Variants in WNT7B observed in about 807,000 individuals in gnomAD.
The protein encoded by WNT7B is Wnt family member 7B, also known as protein Wnt-7b.
A neutral mutation model predicts 38.2 loss-of-function variants in WNT7B; 19 were observed. The ratio of observed to expected loss-of-function variants is 0.50; its 90% CI spans 0.35 to 0.73. The LOEUF is 0.73. Ranked by LOEUF, WNT7B falls within the 30% of genes least tolerant of loss-of-function variation. The pLI is 0.01. For missense variants in WNT7B, 423 were observed against 507.9 expected, an observed-to-expected ratio of 0.83 and a Z score of 1.61; for synonymous variants, 243 against 209.3, an observed-to-expected ratio of 1.16 and a Z score of -1.39.
intron 1 of WNT7B, among the ~76,000 whole-genome samples, chr22:45,959,249 G>C (rs1016749183): frequency 6.6e-6 from 1 of 152,200 alleles, no homozygotes; most frequent in Non-Finnish European, 1.5e-5. Context: ...ACAGGGGGTG[G>C]GCAGCAGCGC....
At chr22:45,930,942 A>G (rs1931328195) in intron 3 of WNT7B, among the ~76,000 whole-genome samples, 156 bp downstream of exon 3, 1 of 152,160 alleles carries the variant, frequency 6.6e-6, no homozygotes, top group South Asian at 2.1e-4. Flanking sequence ...TGGGAGGCTC[A>G]GAGCCATGCA....
At chr22:45,937,621 C>T (rs1931544824) in intron 2 of WNT7B, among the ~76,000 whole-genome samples, 1 of 152,252 alleles carries the variant, frequency 6.6e-6, no homozygotes, top group Non-Finnish European at 1.5e-5. Context: ...GAGGCAGTGC[C>T]CGCCAGCTGC....
chr22:45,972,116 G>GGGGGGGCCCCCCCCCCCCCCC, intron 1 of WNT7B: 1 of 530,744 alleles, frequency 1.9e-6, no homozygotes, highest in African/African-American at 2.1e-5. Flanking sequence ...CCCGGGGGGA[G>GGGGGGGCCCCCCCCCCCCCCC]CCCACCCGCC....
intron 3 of WNT7B, chr22:45,926,170 A>C: frequency 1.0e-6 from 1 of 985,420 alleles, no homozygotes; most frequent in Non-Finnish European, 1.2e-6. Flanking sequence ...AGCCTCTCCC[A>C]GGAAGTGATC....
chr22:45,925,051 G>A, intron 3 of WNT7B: 1 of 981,402 alleles, frequency 1.0e-6, no homozygotes, highest in Non-Finnish European at 1.2e-6. Context: ...CATCAGGTGG[G>A]TGCTGGGTGG....
In WNT7B at chr22:45,966,871, C is replaced by T. The variant is rs556039065; in HGVS notation, c.71+9813G>A. 4.2e-4 allele frequency among the ~76,000 whole-genome samples: 64 copies of T among 152,348 alleles called. 1 individual carries two copies. The South Asian group carries it at 0.012, about 28-fold the overall frequency. On this transcript the variant is annotated intron_variant, in intron 1 of 3. Transcript: ENST00000339464. The surrounding 1 kb of genome is among the most constrained non-coding windows in gnomAD (Gnocchi z 4.2). ...GCTGCTTGCACAGAGAACCTGTGAG[C>T]GCTGCTTCTCTGCCCAGGCAGGGAC...
At chr22:45,936,584 G>A (rs939062624) in intron 2 of WNT7B, among the ~76,000 whole-genome samples, 4 of 152,232 alleles carry the variant, frequency 2.6e-5, no homozygotes, top group African/African-American at 9.6e-5. Context: ...TCCCTTTTCC[G>A]TAAGTTATTT....
rs200329677 is a variant in WNT7B, at chr22:45,973,898, C to T, written c.71+2786G>A. ...GGCTGCACGTGCCCAGGTGGCCCCC[C>T]GTGTAATTAAACACAGGCAGCATGC... On this transcript the variant is annotated intron_variant, in intron 1 of 3. Coordinates refer to ENST00000339464, the MANE Select transcript of WNT7B (RefSeq NM_058238.3). Among the ~76,000 whole-genome samples, 6 of 151,932 alleles carry T rather than the reference C, an allele frequency of 3.9e-5. No homozygotes were observed. The South Asian group carries it at 6.2e-4, about 16-fold the overall frequency.
chr22:45,941,612 C>T (rs910495171), intron 2 of WNT7B, among the ~76,000 whole-genome samples: 4 of 151,808 alleles, frequency 2.6e-5, no homozygotes, highest in Non-Finnish European at 4.4e-5. Flanking sequence ...TGGACAGGAT[C>T]AAGTGGAAAG....
chr22:45,934,366 G>A (rs1250766703), intron 2 of WNT7B, among the ~76,000 whole-genome samples: 5 of 152,206 alleles, frequency 3.3e-5, no homozygotes, highest in African/African-American at 1.2e-4. Flanking sequence ...TGGACCTGGG[G>A]GAAAGGCGCA....
Position 45,950,053 on chromosome 22 carries a change from C to G in WNT7B, c.165G>C (p.Arg55=). ...APRQRAICQS[R]PDAIIVIGEG... is the part of the protein sequence containing the mutation. ...CCCCAATCACAATGATGGCATCGGG[C>G]CGACTCTGGCAGATGGCACGCTGCC... Residue 55 remains arginine, a synonymous_variant, in exon 2 of 4, where the codon CGG becomes CGC. Transcript: ENST00000339464. 1 of 1,614,048 alleles carries G rather than the reference C, an allele frequency of 6.2e-7. No individual in the cohort carries two copies. Among genetic ancestry groups the G allele is most frequent in the African/African-American group, 1.3e-5 (1 of 75,080 alleles).
intron 1 of WNT7B, among the ~76,000 whole-genome samples, chr22:45,953,765 C>T (rs571972099): frequency 4.2e-4 from 61 of 146,734 alleles, no homozygotes; most frequent in African/African-American, 1.5e-3. Flanking sequence ...AAGAAAAGAA[C>T]AAGTGTTGCC....
At chr22:45,930,124 T>A (rs1319660513) in intron 3 of WNT7B, among the ~76,000 whole-genome samples, 1 of 152,204 alleles carries the variant, frequency 6.6e-6, no homozygotes, top group African/African-American at 2.4e-5. Context: ...TCTGACACTC[T>A]CCTACACAAC....
chr22:45,969,845 C>G (rs1932393798), intron 1 of WNT7B, among the ~76,000 whole-genome samples: 1 of 152,210 alleles, frequency 6.6e-6, no homozygotes, highest in Non-Finnish European at 1.5e-5. Context: ...CCCAGCGACC[C>G]TCCTAGCCCA....
chr22:45,948,407 C>T (rs1012841708), intron 2 of WNT7B, among the ~76,000 whole-genome samples: 8 of 152,190 alleles, frequency 5.3e-5, no homozygotes, highest in African/African-American at 1.9e-4. Flanking sequence ...CTGCTCACCA[C>T]AAAGCGGGCC....
In WNT7B at chr22:45,975,586, G is replaced by C. The variant is rs1257148532; in HGVS notation, c.71+1098C>G. 2 of 716,734 alleles carry C rather than the reference G, an allele frequency of 2.8e-6. No individual in the cohort carries two copies. Among genetic ancestry groups the C allele is most frequent in the Non-Finnish European group, 5.2e-6 (2 of 384,700 alleles). 44.4% of individuals were successfully genotyped at this position (716,734 alleles called of 1,614,324 possible). ...CAGACATGGGATGGAGGGTGATGGA[G>C]AGACGATTCCCAGCGCCTGCTTCCA... On this transcript the variant is annotated intron_variant, in intron 1 of 3. Coordinates refer to ENST00000339464, the MANE Select transcript of WNT7B (RefSeq NM_058238.3). The surrounding 1 kb of genome is among the most constrained non-coding windows in gnomAD (Gnocchi z 6.6).
intron 3 of WNT7B, among the ~76,000 whole-genome samples, chr22:45,929,704 C>G (rs1931250150): frequency 9.3e-6 from 1 of 108,014 alleles, no homozygotes; most frequent in Non-Finnish European, 2.0e-5. Flanking sequence ...ACCCATCTTT[C>G]CATCCACCCG....
intron 3 of WNT7B, among the ~76,000 whole-genome samples, chr22:45,930,619 C>T (rs796548827): frequency 1.3e-5 from 2 of 152,200 alleles, no homozygotes; most frequent in African/African-American, 4.8e-5. Context: ...CCCCAGCAGC[C>T]CCCGGCTCAC....
At chr22:45,942,695 G>A (rs965434781) in intron 2 of WNT7B, among the ~76,000 whole-genome samples, 2 of 152,220 alleles carry the variant, frequency 1.3e-5, no homozygotes, top group African/African-American at 4.8e-5. Flanking sequence ...GCACCTCATG[G>A]GGTCCTACGT....
Sources: gnomAD v4.1 joint callset for allele counts (sites outside exome capture counted in the v4.1 genomes callset) on GRCh38, gnomAD v4.1.1 for gene constraint, Gnocchi (gnomAD v3.1) non-coding constraint, MANE v1.5 for transcripts, NCBI Gene and HGNC (gene_info 2026-07-23, HGNC 2026-07-21) for gene names.